Variants in ETF1 observed in about 807,000 individuals in gnomAD.
The protein encoded by ETF1 is eukaryotic translation termination factor 1, also known as eukaryotic peptide chain release factor subunit 1.
A neutral mutation model predicts 55.1 loss-of-function variants in ETF1; 4 were observed. The observed-to-expected ratio is 0.07, with a 90% confidence interval of 0.04 to 0.17. The LOEUF (loss-of-function observed/expected upper bound fraction) is 0.17, where lower values mean the gene tolerates loss of function less well. Ranked by LOEUF, ETF1 falls within the 10% of genes least tolerant of loss-of-function variation. ETF1 has a pLI of 1.00. For missense variants in ETF1, 142 were observed against 523.6 expected, an observed-to-expected ratio of 0.27 and a Z score of 7.11; for synonymous variants, 157 against 182.3, an observed-to-expected ratio of 0.86 and a Z score of 1.12.
chr5:138,513,267 T>C (rs1201555452), intron 5 of ETF1: 1 of 950,132 alleles, frequency 1.1e-6, no homozygotes, highest in African/African-American at 1.8e-5. Flanking sequence ...AGTCTCACTC[T>C]GTCGCCCAGA....
chr5:138,523,632 G>A (rs1765331461), intron 2 of ETF1, among the ~76,000 whole-genome samples: 1 of 152,210 alleles, frequency 6.6e-6, no homozygotes. Flanking sequence ...GCCAGGGGCT[G>A]AGGAGAGGGA....
chr5:138,542,924 C>T lies in ETF1; in HGVS notation c.-6G>A. ...GCACTGGGGTCGTCCGCCATCTTCTCGCCTCCTCCTCCCTAGAGCGGCCCG... is the reference window on the plus strand; with the variant it reads ...GCACTGGGGTCGTCCGCCATCTTCTTGCCTCCTCCTCCCTAGAGCGGCCCG... On this transcript the variant is annotated 5_prime_UTR_variant, in exon 2 of 11. Transcript: ENST00000360541. 1 of 1,613,644 alleles carries T rather than the reference C, an allele frequency of 6.2e-7. No homozygotes were observed.
chr5:138,517,110 C>T (rs1425218007), intron 4 of ETF1, among the ~76,000 whole-genome samples: 2 of 152,132 alleles, frequency 1.3e-5, no homozygotes, highest in African/African-American at 4.8e-5. Flanking sequence ...GTTGCTCATG[C>T]CTGTAATCCT....
At chr5:138,533,396 A>T (rs1252511571) in intron 2 of ETF1, among the ~76,000 whole-genome samples, 1 of 152,056 alleles carries the variant, frequency 6.6e-6, no homozygotes, top group Non-Finnish European at 1.5e-5. Context: ...AAATACCAAT[A>T]AAAAAATCTG....
At chr5:138,536,303 T>C (rs1428957814) in intron 2 of ETF1, among the ~76,000 whole-genome samples, 2 of 152,214 alleles carry the variant, frequency 1.3e-5, no homozygotes, top group East Asian at 3.8e-4. Context: ...CATGCAGAGC[T>C]ATCTGTATGA....
chr5:138,528,053 T>C (rs1765551192), intron 2 of ETF1, among the ~76,000 whole-genome samples: 1 of 152,202 alleles, frequency 6.6e-6, no homozygotes, highest in South Asian at 2.1e-4. Flanking sequence ...ATTACAGGCG[T>C]GAGCCACCAT....
chr5:138,516,340 T>C (rs1765016477), intron 4 of ETF1, among the ~76,000 whole-genome samples: 1 of 151,186 alleles, frequency 6.6e-6, no homozygotes, highest in African/African-American at 2.4e-5. Context: ...ATGTACCCCA[T>C]ATACACCTAC....
At chr5:138,526,001 T>C (rs376444944) in intron 2 of ETF1, among the ~76,000 whole-genome samples, 58 of 151,900 alleles carry the variant, frequency 3.8e-4, no homozygotes, top group African/African-American at 1.3e-3. Flanking sequence ...CTATCTGATA[T>C]TTCACGAGAC....
At chr5:138,524,076 C>T (rs154074) in intron 2 of ETF1, among the ~76,000 whole-genome samples, 189 of 152,234 alleles carry the variant, frequency 1.2e-3, no homozygotes, top group Non-Finnish European at 2.4e-3. Flanking sequence ...ATCCCAGCTA[C>T]TCTGGAGGCT....
chr5:138,508,839 C>A (rs757460213), intron 9 of ETF1, 23 bp from the exon 10 acceptor site: 1 of 1,605,966 alleles, frequency 6.2e-7, no homozygotes, highest in South Asian at 1.1e-5. Flanking sequence ...CCATGAGATA[C>A]AAAAATGGGG....
chr5:138,518,943 A>T (rs1765127012), intron 2 of ETF1, 76 bp from the exon 3 acceptor site: 4 of 1,574,092 alleles, frequency 2.5e-6, no homozygotes, highest in Non-Finnish European at 3.5e-6. Flanking sequence ...GGTAAAAGCA[A>T]GCTACAGGGA....
rs1423878030 is a variant in ETF1, at chr5:138,517,968, G to A, written c.263-268C>T. 13 of 725,540 alleles carry A rather than the reference G, an allele frequency of 1.8e-5. No individual in the cohort carries two copies. The African/African-American group carries it at 2.1e-4, about 12-fold the overall frequency. The allele number at this position is 725,540 out of a possible 1,614,324, so 44.9% of individuals were successfully genotyped here. A position where few individuals can be genotyped will look rare whatever the true frequency, so the allele number is the denominator to read the frequency against. The stretch of plus-strand genomic sequence containing the variant: ...TGTAATCCCAGCACTCTGGGAGGCC[G>A]AGGTAGGCGGATCACCTGACGTCAG... On this transcript the variant is annotated intron_variant, in intron 3 of 10. Transcript: ENST00000360541.
chr5:138,541,158 C>G (rs1766156073), intron 2 of ETF1, among the ~76,000 whole-genome samples: 1 of 152,130 alleles, frequency 6.6e-6, no homozygotes, highest in African/African-American at 2.4e-5. Flanking sequence ...CTTCAAGTAA[C>G]AAAACAAGAT....
intron 2 of ETF1, among the ~76,000 whole-genome samples, chr5:138,535,394 G>T (rs1219451053): frequency 6.6e-6 from 1 of 151,468 alleles, no homozygotes; most frequent in Non-Finnish European, 1.5e-5. Flanking sequence ...GCAGTGGCAC[G>T]ATCTCGGCTC....
chr5:138,527,264 C>G (rs552169373), intron 2 of ETF1, among the ~76,000 whole-genome samples: 1 of 152,184 alleles, frequency 6.6e-6, no homozygotes, highest in Non-Finnish European at 1.5e-5. Flanking sequence ...GGGTGTCTAC[C>G]TTGAAGGCTG....
Position 138,517,711 on chromosome 5 carries a change from C to A in ETF1, c.263-11G>T, listed in dbSNP as rs753081867. The A allele has an allele frequency of 2.1e-6, 3 of 1,441,528 alleles. No homozygotes were observed. Among genetic ancestry groups the A allele is most frequent in the African/African-American group, 1.4e-5 (1 of 70,054 alleles). The allele number at this position is 1,441,528 out of a possible 1,614,324, so 89.3% of individuals were successfully genotyped here. On this transcript the variant is annotated splice_polypyrimidine_tract_variant and intron_variant, in intron 3 of 10. Transcript: ENST00000360541. ...GACCATTTGGAGGTACTGCAAAGAA[C>A]ACAAACAATTTTTCTACTTTACCCC...
At chr5:138,521,803 T>C (rs1765243638) in intron 2 of ETF1, among the ~76,000 whole-genome samples, 1 of 152,234 alleles carries the variant, frequency 6.6e-6, no homozygotes, top group South Asian at 2.1e-4. Flanking sequence ...GTGCTGGGAT[T>C]ACAGGCGTGA....
At position 138,519,015 on chromosome 5, in the gene ETF1, CT is replaced by C. The variant is rs1765130239; in HGVS notation, c.87-149del. ...GGAGTAATGTAGGGACTATATTAGT[CT>C]TGTTTATGAACGTATACACAGAGTT... On this transcript the variant is annotated intron_variant, in intron 2 of 10. Coordinates refer to ENST00000360541, the MANE Select transcript of ETF1 (RefSeq NM_004730.4). 6 of 1,452,714 alleles carry C rather than the reference CT, an allele frequency of 4.1e-6. No individual in the cohort carries two copies. The African/African-American group carries it at 5.7e-5, about 14-fold the overall frequency. 90.0% of individuals were successfully genotyped at this position (1,452,714 alleles called of 1,614,324 possible). A position where few individuals can be genotyped will look rare whatever the true frequency, so the allele number is the denominator to read the frequency against.
chr5:138,532,410 G>A (rs1020832848), intron 2 of ETF1, among the ~76,000 whole-genome samples: 2 of 152,162 alleles, frequency 1.3e-5, no homozygotes, highest in African/African-American at 4.8e-5. Context: ...TACTTCACAA[G>A]ATCATGAGGA....
Sources: allele counts gnomAD v4.1 joint callset (sites outside exome capture counted in the v4.1 genomes callset), GRCh38; gene constraint gnomAD v4.1.1; transcripts MANE v1.5; gene names NCBI Gene and HGNC (gene_info 2026-07-23, HGNC 2026-07-21).